The following N4BP1 variants were observed in gnomAD, a reference collection of about 807,000 sequenced individuals.
The protein encoded by N4BP1 is NEDD4-binding protein 1.
In N4BP1, 21 loss-of-function variants were observed where a neutral mutation model predicts 70.9. That is an observed-to-expected ratio of 0.30 (90% confidence interval 0.21 to 0.43). The LOEUF is 0.43. Ranked by LOEUF, N4BP1 falls within the 20% of genes least tolerant of loss-of-function variation. The pLI is 1.00. For missense variants in N4BP1, 936 were observed against 1,069.4 expected (o/e 0.88, Z 1.74); for synonymous variants, 387 against 394.6 (o/e 0.98, Z 0.23).
At chr16:48,556,019 T>C (rs937865664) in intron 2 of N4BP1, among the ~76,000 whole-genome samples, 2 of 152,154 alleles carry the variant, frequency 1.3e-5, no homozygotes, top group Non-Finnish European at 2.9e-5. Context: ...TGGGTCACTA[T>C]GTAACAAGGA....
Position 48,561,383 on chromosome 16 carries a change from C to T in N4BP1, c.1260G>A (p.Glu420=), listed in dbSNP as rs1489977307. The T allele has an allele frequency of 6.2e-7, 1 of 1,613,886 alleles. No homozygotes were observed. Residue 420 remains glutamate, a synonymous_variant, in exon 2 of 7, where the codon GAG becomes GAA. Transcript: ENST00000262384. Reference sequence around the variant, plus strand: ...TCTTTGGAGTGGAATCAGTTGTAAGCTCATTTGTGCTGCTATAAACACCTT... The same window carrying T: ...TCTTTGGAGTGGAATCAGTTGTAAGTTCATTTGTGCTGCTATAAACACCTT... ...KNKGVYSSTN[E]LTTDSTPKKT...
At chr16:48,544,989 G>A (rs934738874) in intron 6 of N4BP1, among the ~76,000 whole-genome samples, 3 of 152,022 alleles carry the variant, frequency 2.0e-5, no homozygotes, top group African/African-American at 7.2e-5. Flanking sequence ...TTTTGAGACA[G>A]AGTCTTGCTC....
At position 48,543,749 on chromosome 16, in the gene N4BP1, AG is replaced by A. The variant is rs556788886; in HGVS notation, c.2334-489del. Among the ~76,000 whole-genome samples, 1,293 of 152,266 alleles carry A rather than the reference AG, an allele frequency of 8.5e-3. 6 individuals carry two copies. Among genetic ancestry groups the A allele is most frequent in the Non-Finnish European group, 0.013 (869 of 68,024 alleles). On this transcript the variant is annotated intron_variant, in intron 6 of 6. Transcript: ENST00000262384. ...ACTTGTATGCACATGGGTATGTGCG[AG>A]TATGTGTGTACAGGGAGGGCATCTG...
chr16:48,544,245 T>A (rs919177230), intron 6 of N4BP1, among the ~76,000 whole-genome samples: 1 of 152,128 alleles, frequency 6.6e-6, no homozygotes, highest in Non-Finnish European at 1.5e-5. Context: ...AAAAGAGAAA[T>A]GATTCACAAG....
Position 48,561,670 on chromosome 16 carries a change from A to G in N4BP1, c.973T>C (p.Ser325Pro), listed in dbSNP as rs1294341873. 6.2e-7 allele frequency: 1 copy of G among 1,613,278 alleles called. No individual in the cohort carries two copies. The highest frequency in any genetic ancestry group is 8.5e-7 in the Non-Finnish European group (1 of 1,179,880). ...TLAGNVIADL[S>P]DSSADSENLS... is the part of the protein sequence containing the mutation. ...TTTTCAGAATCAGCAGAAGAATCAG[A>G]TAGGTCAGCTATTACATTTCCAGCC... Residue 325 changes from serine (S) to proline (P), a missense_variant, in exon 2 of 7, where the codon TCT becomes CCT. This residue lies in a region of N4BP1 where 515 missense variants were observed against 491.7 expected (regional missense o/e 1.05). Coordinates refer to ENST00000262384, the MANE Select transcript of N4BP1 (RefSeq NM_153029.4).
At chr16:48,591,922 A>G (rs1455965064) in intron 1 of N4BP1, among the ~76,000 whole-genome samples, 1 of 151,200 alleles carries the variant, frequency 6.6e-6, no homozygotes, top group African/African-American at 2.4e-5. Context: ...GGTATCAGAA[A>G]TTACTCTGCA....
At chr16:48,585,238 ATTT>A in intron 1 of N4BP1, among the ~76,000 whole-genome samples, 1 of 149,274 alleles carries the variant, frequency 6.7e-6, no homozygotes, top group African/African-American at 2.5e-5. Context: ...CGGCCTACAC[ATTT>A]TTTTTTTAAA....
At chr16:48,593,483 G>A (rs181340949) in intron 1 of N4BP1, among the ~76,000 whole-genome samples, 253 of 152,310 alleles carry the variant, frequency 1.7e-3, no homozygotes, top group Non-Finnish European at 2.8e-3. Flanking sequence ...GTTTAAACAA[G>A]TTGTGAAAGG....
chr16:48,608,056 C>T (rs1347442176), intron 1 of N4BP1, among the ~76,000 whole-genome samples: 1 of 152,184 alleles, frequency 6.6e-6, no homozygotes, highest in Admixed American at 6.5e-5. Flanking sequence ...AGAGATGCCA[C>T]TGCACTCCAG....
intron 1 of N4BP1, among the ~76,000 whole-genome samples, chr16:48,570,901 C>T (rs1964010677): frequency 6.6e-6 from 1 of 152,200 alleles, no homozygotes; most frequent in Admixed American, 6.5e-5. Context: ...AAGTGATTCT[C>T]CTGTCTTGGC....
At chr16:48,577,956 G>T in intron 1 of N4BP1, 1 of 155,466 alleles carries the variant, frequency 6.4e-6, no homozygotes, top group South Asian at 1.7e-4. Context: ...CCCCTCGGAC[G>T]GCATCTCCTT....
chr16:48,555,831 T>C (rs1470976029), intron 2 of N4BP1, among the ~76,000 whole-genome samples: 1 of 152,186 alleles, frequency 6.6e-6, no homozygotes, highest in East Asian at 1.9e-4. Context: ...AATATGTATA[T>C]TTAGTCCTCA....
At chr16:48,608,374 C>A (rs1278468108) in intron 1 of N4BP1, among the ~76,000 whole-genome samples, 1 of 152,170 alleles carries the variant, frequency 6.6e-6, no homozygotes, top group African/African-American at 2.4e-5. Context: ...ATGTGAAATG[C>A]AAACACTCAC....
At chr16:48,589,175 T>C (rs1008279317) in intron 1 of N4BP1, among the ~76,000 whole-genome samples, 1 of 152,214 alleles carries the variant, frequency 6.6e-6, no homozygotes, top group African/African-American at 2.4e-5. Context: ...ATGTATTTCC[T>C]GGCATACAAC....
chr16:48,550,446 C>T (rs1331194083), intron 4 of N4BP1, among the ~76,000 whole-genome samples: 2 of 152,026 alleles, frequency 1.3e-5, no homozygotes, highest in East Asian at 1.9e-4. Context: ...ACCTGAGAGG[C>T]GGAGGTTGCA....
chr16:48,573,108 C>CAAA (rs67326386), intron 1 of N4BP1, among the ~76,000 whole-genome samples: 1 of 111,190 alleles, frequency 9.0e-6, no homozygotes, highest in Non-Finnish European at 2.0e-5. Flanking sequence ...GACCTTGTCT[C>CAAA]AAAAAAAAAA....
chr16:48,604,626 CTAAAT>C (rs1964551247), intron 1 of N4BP1, among the ~76,000 whole-genome samples: 1 of 143,478 alleles, frequency 7.0e-6, no homozygotes, highest in Non-Finnish European at 1.5e-5. Flanking sequence ...AAAACAAAAA[CTAAAT>C]TAAAACAAAA....
At chr16:48,560,604 C>T (rs1963839568) in intron 2 of N4BP1, 150 bp downstream of exon 2, 1 of 961,710 alleles carries the variant, frequency 1.0e-6, no homozygotes, top group Non-Finnish European at 1.5e-6. Context: ...CCTTTCCAAC[C>T]AGTTGGTTCC....
chr16:48,574,124 G>A (rs974554975), intron 1 of N4BP1, among the ~76,000 whole-genome samples: 1 of 152,192 alleles, frequency 6.6e-6, no homozygotes, highest in African/African-American at 2.4e-5. Flanking sequence ...GTTGCCTCTA[G>A]GAAGTTAGGG....
Sources: gnomAD v4.1 joint callset for allele counts (sites outside exome capture counted in the v4.1 genomes callset) on GRCh38, gnomAD v4.1.1 for gene constraint, gnomAD v4.1.1 regional missense constraint, MANE v1.5 for transcripts, NCBI Gene and HGNC (gene_info 2026-07-23, HGNC 2026-07-21) for gene names.